Variants in CCDC7 observed in about 807,000 individuals in gnomAD.
CCDC7 encodes coiled-coil domain-containing protein 7.
A neutral mutation model predicts 196.9 loss-of-function variants in CCDC7; 183 were observed. The ratio of observed to expected loss-of-function variants is 0.93; its 90% CI spans 0.82 to 1.05. The LOEUF (loss-of-function observed/expected upper bound fraction) is 1.05. CCDC7 is among the 50% of genes least tolerant of loss of function. The pLI is 0.00. For synonymous variants in CCDC7, 525 were observed against 484.6 expected, an observed-to-expected ratio of 1.08 and a Z score of -1.10; for missense variants, 1,540 against 1,482.2, an observed-to-expected ratio of 1.04 and a Z score of -0.64.
At chr10:32,477,552 G>GT (rs35299864) in intron 8 of CCDC7, among the ~76,000 whole-genome samples, 20,780 of 142,080 alleles carry the variant, frequency 0.15, 1,692 homozygotes, top group East Asian at 0.26. Context: ...TAGAGTCATT[G>GT]TTTTTTTTTT....
At chr10:32,607,906 T>C (rs1321113972) in intron 18 of CCDC7, among the ~76,000 whole-genome samples, 1 of 152,094 alleles carries the variant, frequency 6.6e-6, no homozygotes, top group Non-Finnish European at 1.5e-5. Context: ...TCTTTATGAG[T>C]TTGGTAGAAT....
At chr10:32,514,787 A>G (rs1453121695) in intron 9 of CCDC7, among the ~76,000 whole-genome samples, 1 of 152,322 alleles carries the variant, frequency 6.6e-6, no homozygotes, top group East Asian at 1.9e-4. Flanking sequence ...ACAGAAATGG[A>G]TAGATATCTC....
chr10:32,797,127 A>G (rs891035667), intron 29 of CCDC7, among the ~76,000 whole-genome samples: 18 of 152,006 alleles, frequency 1.2e-4, no homozygotes, highest in African/African-American at 4.3e-4. Flanking sequence ...CTAAATGCCC[A>G]TCAATCAACG....
chr10:32,497,381 C>T (rs764860961), intron 9 of CCDC7, among the ~76,000 whole-genome samples: 3 of 152,078 alleles, frequency 2.0e-5, no homozygotes, highest in Non-Finnish European at 4.4e-5. Flanking sequence ...CTTTTTGTGT[C>T]TCTATCTCCT....
chr10:32,698,311 G>T (rs1182280690), intron 24 of CCDC7, among the ~76,000 whole-genome samples: 1 of 152,164 alleles, frequency 6.6e-6, no homozygotes, highest in Non-Finnish European at 1.5e-5. Context: ...AGGATCGCAG[G>T]TCCTTGCCAG....
intron 21 of CCDC7, among the ~76,000 whole-genome samples, chr10:32,665,123 T>A (rs1173847196): frequency 3.3e-5 from 5 of 152,096 alleles, no homozygotes; most frequent in Non-Finnish European, 7.4e-5. Context: ...TAGAGAAATG[T>A]CTATTCAGAT....
At chr10:32,482,422 T>C (rs2040145727) in intron 8 of CCDC7, among the ~76,000 whole-genome samples, 1 of 151,840 alleles carries the variant, frequency 6.6e-6, no homozygotes, top group Non-Finnish European at 1.5e-5. Flanking sequence ...TTTCTTCTCC[T>C]TGATGAATTA....
intron 16 of CCDC7, among the ~76,000 whole-genome samples, chr10:32,572,390 C>T (rs556283568): frequency 3.3e-5 from 5 of 152,136 alleles, no homozygotes; most frequent in East Asian, 1.9e-4. Flanking sequence ...ATATTATGAT[C>T]GACTCACAGA....
exon 22 of CCDC7, chr10:32,686,059 T>A: frequency 6.6e-7 from 1 of 1,519,620 alleles, no homozygotes; most frequent in Non-Finnish European, 9.0e-7. Flanking sequence ...ACAAGAAACT[T>A]CTACAGAGCA....
intron 20 of CCDC7, among the ~76,000 whole-genome samples, chr10:32,647,635 T>C (rs1454939825): frequency 3.9e-5 from 6 of 152,190 alleles, no homozygotes; most frequent in Admixed American, 3.3e-4. Context: ...TATGTCTTTT[T>C]TTGATAAGTG....
At chr10:32,456,252 T>C in exon 3 of CCDC7, 1 of 1,541,498 alleles carries the variant, frequency 6.5e-7, no homozygotes, top group Non-Finnish European at 8.8e-7. Flanking sequence ...TTTCAAAAGG[T>C]TGGGGATGAT....
chr10:32,777,678 G>C (rs1565475050), intron 28 of CCDC7, among the ~76,000 whole-genome samples: 1 of 151,652 alleles, frequency 6.6e-6, no homozygotes, highest in Non-Finnish European at 1.5e-5. Flanking sequence ...CCAACATGGT[G>C]AAACCCCATC....
chr10:32,855,972 G>T (rs887101118), intron 41 of CCDC7, among the ~76,000 whole-genome samples: 1 of 152,068 alleles, frequency 6.6e-6, no homozygotes, highest in Admixed American at 6.6e-5. Context: ...AGACTAATCG[G>T]TATGGAAAAA....
In CCDC7 at chr10:32,486,780, G is replaced by A. The variant is rs1265064676; in HGVS notation, c.797-5142G>A. On this transcript the variant is annotated intron_variant, in intron 8 of 41. Coordinates refer to ENST00000639629, the Ensembl canonical transcript of CCDC7. ...TAGTTTGGCTGGATATGAGATTCTG[G>A]GTTGAAAATTCTTTTCTTTAAGAAT... Among the ~76,000 whole-genome samples the A allele has an allele frequency of 3.3e-5, 5 of 150,464 alleles. No individual in the cohort carries two copies. The East Asian group carries it at 7.8e-4, about 23-fold the overall frequency.
intron 24 of CCDC7, among the ~76,000 whole-genome samples, chr10:32,697,092 G>C (rs1183274468): frequency 1.3e-5 from 2 of 152,086 alleles, no homozygotes; most frequent in Non-Finnish European, 2.9e-5. Context: ...CCATAATGTA[G>C]AATGAGTGGG....
At chr10:32,861,752 A>G (rs530963223) in intron 41 of CCDC7, among the ~76,000 whole-genome samples, 56 of 152,228 alleles carry the variant, frequency 3.7e-4, no homozygotes, top group African/African-American at 1.3e-3. Context: ...AAAAGTAGGC[A>G]AAGGAGATGA....
intron 18 of CCDC7, among the ~76,000 whole-genome samples, chr10:32,617,159 A>G (rs1297393573): frequency 6.6e-6 from 1 of 151,674 alleles, no homozygotes; most frequent in Non-Finnish European, 1.5e-5. Flanking sequence ...TTCTGATTGC[A>G]TTTATTGAGA....
intron 11 of CCDC7, 129 bp downstream of exon 12, chr10:32,518,634 C>A (rs2135534671): frequency 7.1e-6 from 5 of 703,016 alleles, no homozygotes; most frequent in African/African-American, 1.9e-5. Flanking sequence ...AGCAGCTATG[C>A]TTTAAAAATA....
chr10:32,876,647 T>C (rs1261479985), downstream of CCDC7: 3 of 327,854 alleles, frequency 9.2e-6, no homozygotes, highest in East Asian at 1.1e-4. Flanking sequence ...TATGCAATTA[T>C]CTTTTAAATC....
Sources: gnomAD v4.1 joint callset for allele counts (sites outside exome capture counted in the v4.1 genomes callset) on GRCh38, gnomAD v4.1.1 for gene constraint, MANE v1.5 for transcripts, NCBI Gene and HGNC (gene_info 2026-07-23, HGNC 2026-07-21) for gene names.